The following FXR1 variants were observed in gnomAD, a reference collection of about 807,000 sequenced individuals.
FXR1 encodes the protein RNA-binding protein FXR1.
Under a neutral mutation model 84.0 loss-of-function variants are expected in FXR1, and 15 were observed. The ratio of observed to expected loss-of-function variants is 0.18; its 90% confidence interval spans 0.12 to 0.27. The LOEUF is 0.27. Ranked by LOEUF, FXR1 falls within the 10% of genes least tolerant of loss-of-function variation. The pLI, the probability that FXR1 is intolerant of heterozygous loss-of-function variation, is 1.00. For synonymous variants in FXR1, 245 were observed against 250.7 expected (o/e 0.98, Z 0.21); for missense variants, 480 against 774.4 (o/e 0.62, Z 4.51).
chr3:180,942,117 A>G (rs13071004), intron 3 of FXR1, among the ~76,000 whole-genome samples: 36,141 of 151,956 alleles, frequency 0.24, 4,483 homozygotes, highest in African/African-American at 0.3. Context: ...AGTGGCTCAC[A>G]CCTGTAATCC....
At chr3:180,945,348 T>TAC (rs1721588029) in intron 3 of FXR1, among the ~76,000 whole-genome samples, 1 of 152,238 alleles carries the variant, frequency 6.6e-6, no homozygotes, top group Non-Finnish European at 1.5e-5. Flanking sequence ...CATTTCCACT[T>TAC]ACGAAGTACA....
intron 1 of FXR1, chr3:180,915,425 C>A: frequency 1.1e-6 from 1 of 907,170 alleles, no homozygotes; most frequent in Non-Finnish European, 1.7e-6. Context: ...TAGAATCGTA[C>A]ACTATATTGT....
chr3:180,978,656 G>C lies in FXR1; in HGVS notation c.*2364G>C, dbSNP rs1714444811. ...TTCTAGCTACTCAGGAGCCTGAGGT[G>C]GGAGCATCATTTGAACTCAGTTCTG... On this transcript the variant is annotated 3_prime_UTR_variant, in exon 17 of 17. Coordinates refer to ENST00000357559, the MANE Select transcript of FXR1 (RefSeq NM_005087.4). 1 of 152,020 alleles carries C rather than the reference G, an allele frequency of 6.6e-6. No homozygotes were observed. Among genetic ancestry groups the C allele is most frequent in the Non-Finnish European group, 1.5e-5 (1 of 67,974 alleles). The allele number at this position is 152,020 out of a possible 1,614,324, so 9.4% of individuals were successfully genotyped here.
Position 180,951,476 on chromosome 3 carries a change from C to A in FXR1, c.801+8C>A. On this transcript the variant is annotated splice_region_variant and intron_variant, in intron 8 of 16. Transcript: ENST00000357559. ...TTCAGAATCTACGGAGAGGTAAGTT[C>A]TCTTTCTCCTGCCTTGGCCTTTAGT... The A allele has an allele frequency of 6.3e-7, 1 of 1,592,720 alleles. No homozygotes were observed. The highest frequency in any genetic ancestry group is 8.6e-7 in the Non-Finnish European group (1 of 1,164,588).
At chr3:180,945,036 A>G (rs1333358067) in intron 3 of FXR1, among the ~76,000 whole-genome samples, 2 of 152,252 alleles carry the variant, frequency 1.3e-5, no homozygotes, top group Non-Finnish European at 2.9e-5. Flanking sequence ...AATGTAACTA[A>G]CTGCTCACTG....
intron 3 of FXR1, among the ~76,000 whole-genome samples, chr3:180,937,054 T>G (rs1397059721): frequency 6.6e-6 from 1 of 152,228 alleles, no homozygotes; most frequent in African/African-American, 2.4e-5. Context: ...TGTGTTCATT[T>G]GGACTTTAGA....
Position 180,976,550 on chromosome 3 carries a change from G to A in FXR1, c.*258G>A, listed in dbSNP as rs1714261371. 6.8e-6 allele frequency: 1 copy of A among 146,376 alleles called. No individual in the cohort carries two copies. The highest frequency in any genetic ancestry group is 2.3e-4 in the East Asian group (1 of 4,404). The allele number at this position is 146,376 out of a possible 1,614,324, so 9.1% of individuals were successfully genotyped here. ...ATTAAAAAAAAGTTGCTGGCTATAG[G>A]AAATGTTATTTTGTTTTCAAAATAT... On this transcript the variant is annotated 3_prime_UTR_variant, in exon 17 of 17. Coordinates refer to ENST00000357559, the MANE Select transcript of FXR1 (RefSeq NM_005087.4).
rs1236232915 is a variant in FXR1 at position 180,914,757 on chromosome 3, C to T, written c.51+2021C>T. The T allele has an allele frequency of 3.2e-6, 3 of 923,592 alleles. No homozygotes were observed. In the South Asian group the frequency reaches 1.5e-4, roughly 46 times the overall value. 57.2% of individuals were successfully genotyped at this position (923,592 alleles called of 1,614,324 possible). A position where few individuals can be genotyped will look rare whatever the true frequency, so the allele number is the denominator to read the frequency against. Reference sequence around the variant, plus strand: ...CTGCTTGTTTCTACTTAGACTTTGACTCCATTACTCATTTTGCCTCACAAA... The same window carrying T: ...CTGCTTGTTTCTACTTAGACTTTGATTCCATTACTCATTTTGCCTCACAAA... On this transcript the variant is annotated intron_variant, in intron 1 of 16. Transcript: ENST00000357559.
At chr3:180,975,700 C>T (rs908479401) in intron 16 of FXR1, among the ~76,000 whole-genome samples, 7 of 152,168 alleles carry the variant, frequency 4.6e-5, no homozygotes, top group Non-Finnish European at 2.9e-5. Flanking sequence ...TACCTCTTCT[C>T]ATTGATGGAT....
chr3:180,926,396 G>T (rs1576903763), intron 1 of FXR1, among the ~76,000 whole-genome samples: 1 of 150,732 alleles, frequency 6.6e-6, no homozygotes, highest in Admixed American at 6.6e-5. Context: ...CTTTTAATAG[G>T]TTGGAATCTT....
intron 16 of FXR1, among the ~76,000 whole-genome samples, chr3:180,975,776 CAAAAT>C (rs932377661): frequency 6.6e-6 from 1 of 152,044 alleles, no homozygotes; most frequent in Non-Finnish European, 1.5e-5. Context: ...TGTGATTTCT[CAAAAT>C]AAGGTGAGTA....
At chr3:180,967,957 C>G (rs1201007477) in intron 13 of FXR1, 94 bp from the exon 14 acceptor site, 23 of 798,064 alleles carry the variant, frequency 2.9e-5, no homozygotes, top group Non-Finnish European at 4.6e-5. Flanking sequence ...AACAGTATTG[C>G]TTATTTAAAC....
chr3:180,920,494 G>T (rs920444650), intron 1 of FXR1, among the ~76,000 whole-genome samples: 3 of 151,464 alleles, frequency 2.0e-5, no homozygotes, highest in South Asian at 4.2e-4. Flanking sequence ...ACTCTGCAAC[G>T]AGAAAGTCAG....
At chr3:180,945,978 G>A (rs144480029) in intron 3 of FXR1, among the ~76,000 whole-genome samples, 2 of 152,236 alleles carry the variant, frequency 1.3e-5, no homozygotes, top group East Asian at 3.9e-4. Flanking sequence ...CATAGTCTGA[G>A]GTTTTGCTTT....
intron 1 of FXR1, among the ~76,000 whole-genome samples, chr3:180,916,708 T>C (rs768262812): frequency 6.7e-6 from 1 of 150,262 alleles, no homozygotes; most frequent in Non-Finnish European, 1.5e-5. Flanking sequence ...CGCCCGACCA[T>C]GAGTATAATT....
intron 6 of FXR1, 83 bp from the exon 7 acceptor site, chr3:180,949,144 G>C: frequency 1.3e-6 from 1 of 789,302 alleles, no homozygotes; most frequent in Non-Finnish European, 2.3e-6. Flanking sequence ...AAGCAAGGAA[G>C]GCTTTGCATA....
At chr3:180,919,534 T>C (rs1242922166) in intron 1 of FXR1, among the ~76,000 whole-genome samples, 1 of 152,106 alleles carries the variant, frequency 6.6e-6, no homozygotes, top group Non-Finnish European at 1.5e-5. Context: ...TCCACCTGGC[T>C]CAGCCTCCCA....
intron 1 of FXR1, among the ~76,000 whole-genome samples, chr3:180,917,871 G>A (rs1304662377): frequency 4.7e-5 from 7 of 150,524 alleles, no homozygotes; most frequent in Admixed American, 3.3e-4. Flanking sequence ...CGCTTGAACC[G>A]GGGAGGCAGA....
intron 15 of FXR1, among the ~76,000 whole-genome samples, chr3:180,972,324 T>G (rs1217451017): frequency 6.6e-6 from 1 of 152,062 alleles, no homozygotes; most frequent in African/African-American, 2.4e-5. Context: ...GGTGTGGTAG[T>G]GCGCACCTGT....
Sources: gnomAD v4.1 joint callset for allele counts (sites outside exome capture counted in the v4.1 genomes callset) on GRCh38, gnomAD v4.1.1 for gene constraint, MANE v1.5 for transcripts, NCBI Gene and HGNC (gene_info 2026-07-23, HGNC 2026-07-21) for gene names.